The following BAIAP2 variants were observed in gnomAD, a reference collection of about 807,000 sequenced individuals.
BAIAP2 encodes BAR/IMD domain containing adaptor protein 2.
In BAIAP2, 18 loss-of-function variants were observed where a neutral mutation model predicts 63.0. The observed-to-expected ratio is 0.29, with a 90% confidence interval of 0.20 to 0.42. The LOEUF is 0.42. Ranked by LOEUF, BAIAP2 falls within the 10% of genes least tolerant of loss-of-function variation. The pLI, the probability that BAIAP2 is intolerant of heterozygous loss-of-function variation, is 1.00. For missense variants in BAIAP2, 610 were observed against 734.3 expected (o/e 0.83, Z 1.96); for synonymous variants, 386 against 307.6 (o/e 1.25, Z -2.67).
intron 3 of BAIAP2, chr17:81,063,710 C>G (rs559648612): frequency 7.9e-5 from 12 of 152,524 alleles, no homozygotes; most frequent in African/African-American, 2.9e-4. Flanking sequence ...GTGGCTTGCT[C>G]TGGCCCTGAA....
chr17:81,057,973 A>AGC lies in BAIAP2; in HGVS notation c.217+6_217+7insGC, dbSNP rs2049870907. 2 of 765,854 alleles carry AGC rather than the reference A, an allele frequency of 2.6e-6. No homozygotes were observed. The highest frequency in any genetic ancestry group is 4.4e-5 in the African/African-American group (1 of 22,746). 47.4% of individuals were successfully genotyped at this position (765,854 alleles called of 1,614,324 possible). A position where few individuals can be genotyped will look rare whatever the true frequency, so the allele number is the denominator to read the frequency against. On this transcript the variant is annotated splice_region_variant and intron_variant, in intron 3 of 13. Coordinates refer to ENST00000428708, the MANE Select transcript of BAIAP2 (RefSeq NM_001144888.2). ...CCAGGGCTCCAAAGAACTCGGTGAG[A>AGC]CCCCCCCCCCCCCCCCGCCTGGTAG...
intron 13 of BAIAP2, among the ~76,000 whole-genome samples, chr17:81,112,573 C>T (rs955397600): frequency 3.3e-5 from 5 of 152,362 alleles, no homozygotes; most frequent in Admixed American, 1.3e-4. Context: ...CAAGCGCCCA[C>T]GCTGGACCCG....
Position 81,103,618 on chromosome 17 carries a change from C to T in BAIAP2, c.759C>T (p.Thr253=), listed in dbSNP as rs1303018784. ...AGCAGGTGGCCAGCAACGGCGCCACCCTCCCCAGCGCCCTGTCGGCCTCCA... is the reference window on the plus strand; with the variant it reads ...AGCAGGTGGCCAGCAACGGCGCCACTCTCCCCAGCGCCCTGTCGGCCTCCA... ...LMQQVASNGA[T]LPSALSASKS... is the part of the protein sequence containing the mutation. Residue 253 remains threonine, a synonymous_variant, in exon 8 of 14, where the codon ACC becomes ACT. Transcript: ENST00000428708. 5 of 1,605,966 alleles carry T rather than the reference C, an allele frequency of 3.1e-6. No individual in the cohort carries two copies. The highest frequency in any genetic ancestry group is 4.2e-6 in the Non-Finnish European group (5 of 1,179,264).
At chr17:81,051,838 C>T (rs1412347627) in intron 1 of BAIAP2, among the ~76,000 whole-genome samples, 1 of 152,152 alleles carries the variant, frequency 6.6e-6, no homozygotes, top group Non-Finnish European at 1.5e-5. Context: ...TACAGGCATG[C>T]ACCACCACAC....
chr17:81,112,487 CCTG>C (rs1398273353), intron 13 of BAIAP2, among the ~76,000 whole-genome samples: 6 of 152,348 alleles, frequency 3.9e-5, no homozygotes, highest in African/African-American at 1.4e-4. Context: ...AGCTTTGGGC[CCTG>C]GGAAGGGGGC....
At chr17:81,098,006 C>CCGGGTGT (rs2057922796) in intron 6 of BAIAP2, 2 of 894,790 alleles carry the variant, frequency 2.2e-6, no homozygotes, top group South Asian at 1.1e-4. Flanking sequence ...ACCCCGGGTG[C>CCGGGTGT]CGGGTGTCAG....
chr17:81,080,473 C>T (rs755502263), intron 3 of BAIAP2, among the ~76,000 whole-genome samples: 15 of 152,196 alleles, frequency 9.9e-5, no homozygotes, highest in East Asian at 1.9e-4. Flanking sequence ...CTCGGGCTGG[C>T]GGGGATGCTG....
intron 12 of BAIAP2, 21 bp from the exon 13 acceptor site, chr17:81,108,454 T>C (rs1305362846): frequency 6.2e-7 from 1 of 1,613,534 alleles, no homozygotes; most frequent in Non-Finnish European, 8.5e-7. Flanking sequence ...CGGCCTGACA[T>C]GTTTCTGCCT....
In BAIAP2 at chr17:81,086,484, C is replaced by T. The variant is rs140045781; in HGVS notation, c.393C>T (p.Gly131=). Residue 131 remains glycine (G), a synonymous_variant, in exon 6 of 14, where the codon GGC becomes GGT. Transcript: ENST00000428708. ...KKYQTEQRSK[G]DALDKCQAEL... is the part of the protein sequence containing the mutation. ...ACCAGACTGAGCAAAGGAGCAAAGG[C>T]GACGCCCTGGACAAGTGTCAGGCTG... 76 of 1,613,888 alleles carry T rather than the reference C, an allele frequency of 4.7e-5. No individual in the cohort carries two copies. The highest frequency in any genetic ancestry group is 1.6e-4 in the Middle Eastern group (1 of 6,082).
At chr17:81,077,907 G>C (rs1026733849) in intron 3 of BAIAP2, among the ~76,000 whole-genome samples, 8 of 150,086 alleles carry the variant, frequency 5.3e-5, no homozygotes, top group African/African-American at 2.0e-4. Context: ...GGGCACTCTG[G>C]GTGCAGGTGC....
intron 3 of BAIAP2, among the ~76,000 whole-genome samples, chr17:81,059,569 C>A (rs1346195865): frequency 6.6e-6 from 1 of 152,168 alleles, no homozygotes; most frequent in Non-Finnish European, 1.5e-5. Context: ...CTCAGCCTCC[C>A]TAGTAGCTGG....
intron 7 of BAIAP2, among the ~76,000 whole-genome samples, chr17:81,102,912 C>T (rs1356325937): frequency 1.3e-5 from 2 of 152,244 alleles, no homozygotes; most frequent in African/African-American, 4.8e-5. Flanking sequence ...CGGCCGGCTC[C>T]CAGTCCCAGA....
chr17:81,084,776 G>A, intron 3 of BAIAP2, 56 bp from the exon 4 acceptor site: 7 of 1,564,310 alleles, frequency 4.5e-6, no homozygotes, highest in Admixed American at 1.7e-5. Context: ...TGGGATGACG[G>A]TGGTGACTGC....
intron 4 of BAIAP2, 172 bp from the exon 5 acceptor site, chr17:81,085,482 A>T: frequency 1.4e-6 from 1 of 703,188 alleles, no homozygotes; most frequent in South Asian, 1.5e-5. Flanking sequence ...CTGGCTCCAG[A>T]GGGTGCACAC....
At chr17:81,039,877 C>T (rs1466028349) in intron 1 of BAIAP2, among the ~76,000 whole-genome samples, 2 of 152,190 alleles carry the variant, frequency 1.3e-5, no homozygotes, top group African/African-American at 2.4e-5. Flanking sequence ...TCCTTCCGAG[C>T]TCCAGGAGGC....
intron 2 of BAIAP2, 37 bp from the exon 3 acceptor site, chr17:81,057,844 G>A (rs200725820): frequency 3.6e-5 from 58 of 1,597,788 alleles, no homozygotes; most frequent in East Asian, 1.1e-4. Context: ...TCTGTCCCTC[G>A]TGGAGGAAAT....
At chr17:81,062,518 G>A (rs994812887) in intron 3 of BAIAP2, among the ~76,000 whole-genome samples, 1 of 152,132 alleles carries the variant, frequency 6.6e-6, no homozygotes, top group East Asian at 1.9e-4. Context: ...TGGCTGGGAG[G>A]TCAGTCTCTG....
intron 1 of BAIAP2, among the ~76,000 whole-genome samples, chr17:81,044,100 C>T (rs2047457927): frequency 6.6e-6 from 1 of 152,198 alleles, no homozygotes. Context: ...TGGCCACAGC[C>T]CCCGGGCTGG....
chr17:81,081,360 C>T (rs914995774), intron 3 of BAIAP2, among the ~76,000 whole-genome samples: 1 of 152,212 alleles, frequency 6.6e-6, no homozygotes, highest in South Asian at 2.1e-4. Flanking sequence ...TGCCCCCGGC[C>T]TGAAGCTTCC....
Sources: gnomAD v4.1 joint callset for allele counts (sites outside exome capture counted in the v4.1 genomes callset) on GRCh38, gnomAD v4.1.1 for gene constraint, MANE v1.5 for transcripts, NCBI Gene and HGNC (gene_info 2026-07-23, HGNC 2026-07-21) for gene names.